The following SDK1 variants were observed in gnomAD, a reference collection of about 807,000 sequenced individuals.
SDK1 encodes the protein sidekick cell adhesion molecule 1, also known as protein sidekick-1.
In SDK1, 157 loss-of-function variants were observed where a neutral mutation model predicts 245.5. The observed-to-expected ratio is 0.64, with a 90% confidence interval of 0.56 to 0.73. SDK1 has a LOEUF of 0.73. SDK1 is among the 30% of genes least tolerant of loss of function. The probability of loss-of-function intolerance (pLI) is 0.00; values close to 1 mark genes in which losing one functional copy is unlikely to be tolerated. For missense variants in SDK1, 3,583 were observed against 3,002.3 expected (o/e 1.19, Z -4.52); for synonymous variants, 1,647 against 1,278.5 (o/e 1.29, Z -6.15).
intron 35 of SDK1, among the ~76,000 whole-genome samples, chr7:4,199,116 C>T (rs1175210358): frequency 1.3e-5 from 2 of 152,154 alleles, no homozygotes; most frequent in African/African-American, 4.8e-5. Context: ...TACCCGGCCT[C>T]AGTTTTCTAA....
At chr7:3,772,373 C>T (rs1034181904) in intron 4 of SDK1, among the ~76,000 whole-genome samples, 2 of 152,000 alleles carry the variant, frequency 1.3e-5, no homozygotes, top group African/African-American at 4.8e-5. Flanking sequence ...ATACAAAGTG[C>T]TGCTCTTTTA....
rs1229947466 is a variant in SDK1, at chr7:4,059,154, AAAAC to A, written c.2911+7328_2911+7331del. On this transcript the variant is annotated intron_variant, in intron 19 of 44. Coordinates refer to ENST00000404826, the MANE Select transcript of SDK1 (RefSeq NM_152744.4). ...TAGACTGGCTGAATGGATAAAAACAAAAACAAAAACAAAAACAAACCATGACCCA... is the reference window on the plus strand; with the variant it reads ...TAGACTGGCTGAATGGATAAAAACAAAAAAACAAAAACAAACCATGACCCA... Among the ~76,000 whole-genome samples the A allele has an allele frequency of 2.0e-5, 3 of 152,294 alleles. No individual in the cohort carries two copies. The East Asian group carries it at 5.8e-4, about 29-fold the overall frequency.
rs57770805 is a variant in SDK1, at chr7:3,319,878, C to CTTTTTTTTTTTTTTTTTTTTTTTTTTTTT, written c.298+18011_298+18012insTTTTTTTTTTTTTTTTTTTTTTTTTTTTT. Reference sequence around the variant, plus strand: ...TGCCTATATCTAACCCATTCTTAGTCTTTTTTTTTTTTTTTTTGCATTTGC... The same window carrying CTTTTTTTTTTTTTTTTTTTTTTTTTTTTT: ...TGCCTATATCTAACCCATTCTTAGTCTTTTTTTTTTTTTTTTTTTTTTTTTTTTTTTTTTTTTTTTTTTTTTGCATTTGC... On this transcript the variant is annotated intron_variant, in intron 1 of 44. Coordinates refer to ENST00000404826, the MANE Select transcript of SDK1 (RefSeq NM_152744.4). Among the ~76,000 whole-genome samples, 131 of 88,090 alleles carry CTTTTTTTTTTTTTTTTTTTTTTTTTTTTT rather than the reference C, an allele frequency of 1.5e-3. 18 individuals carry two copies. Among genetic ancestry groups the CTTTTTTTTTTTTTTTTTTTTTTTTTTTTT allele is most frequent in the Middle Eastern group, 6.5e-3 (1 of 154 alleles). The allele number at this position is 88,090 out of a possible 152,430, so 57.8% of individuals were successfully genotyped here.
chr7:4,213,095 A>G (rs1044260811), intron 38 of SDK1, among the ~76,000 whole-genome samples: 1 of 152,170 alleles, frequency 6.6e-6, no homozygotes, highest in Admixed American at 6.5e-5. Context: ...CCTGGCCAAC[A>G]TGGTGAAACC....
At chr7:3,673,645 A>C (rs1167418053) in intron 4 of SDK1, among the ~76,000 whole-genome samples, 1 of 152,122 alleles carries the variant, frequency 6.6e-6, no homozygotes, top group African/African-American at 2.4e-5. Context: ...TGCTTTGCTA[A>C]TGCATTAGGT....
intron 44 of SDK1, among the ~76,000 whole-genome samples, chr7:4,249,374 C>T (rs1414886860): frequency 6.6e-6 from 1 of 152,186 alleles, no homozygotes; most frequent in Non-Finnish European, 1.5e-5. Flanking sequence ...GGCAAGGGGC[C>T]TGGGAACCAG....
intron 32 of SDK1, among the ~76,000 whole-genome samples, chr7:4,171,350 C>T (rs1015899346): frequency 5.9e-5 from 9 of 152,218 alleles, no homozygotes; most frequent in African/African-American, 2.2e-4. Flanking sequence ...GTAGATTGTC[C>T]CGATGGAAGG....
intron 4 of SDK1, among the ~76,000 whole-genome samples, chr7:3,801,119 G>C (rs1246140790): frequency 6.6e-6 from 1 of 152,146 alleles, no homozygotes; most frequent in Non-Finnish European, 1.5e-5. Flanking sequence ...TTGAGCAAGG[G>C]AAGACATAGA....
At chr7:3,958,235 C>G (rs1781415639) in intron 7 of SDK1, 1 of 283,222 alleles carries the variant, frequency 3.5e-6, no homozygotes, top group South Asian at 2.9e-5. Context: ...ACTTGACAAA[C>G]TTGGCCATGC....
intron 20 of SDK1, among the ~76,000 whole-genome samples, chr7:4,070,102 G>T (rs1435496649): frequency 6.6e-6 from 1 of 152,242 alleles, no homozygotes; most frequent in African/African-American, 2.4e-5. Context: ...CCAAACAACG[G>T]AAGTGTTAAT....
intron 1 of SDK1, among the ~76,000 whole-genome samples, chr7:3,324,452 C>T (rs1270839153): frequency 6.6e-6 from 1 of 151,988 alleles, no homozygotes; most frequent in Non-Finnish European, 1.5e-5. Context: ...TTTGAAAAGT[C>T]GTTACAAAAA....
chr7:3,335,718 A>G (rs1051776489), intron 1 of SDK1, among the ~76,000 whole-genome samples: 1 of 152,186 alleles, frequency 6.6e-6, no homozygotes, highest in African/African-American at 2.4e-5. Context: ...AGAAGCAAAA[A>G]TGAAATGAAT....
At chr7:3,820,070 A>G (rs1779606282) in intron 4 of SDK1, among the ~76,000 whole-genome samples, 1 of 152,182 alleles carries the variant, frequency 6.6e-6, no homozygotes, top group South Asian at 2.1e-4. Flanking sequence ...GCTTAGACTA[A>G]ATGATATTTT....
chr7:3,915,217 T>G (rs1175314122), intron 5 of SDK1, among the ~76,000 whole-genome samples: 3 of 152,186 alleles, frequency 2.0e-5, no homozygotes, highest in Non-Finnish European at 4.4e-5. Context: ...TTCTGCCCCA[T>G]TCTCTCCAGC....
chr7:3,962,040 C>T (rs1583648035), intron 8 of SDK1, among the ~76,000 whole-genome samples: 1 of 152,102 alleles, frequency 6.6e-6, no homozygotes, highest in Non-Finnish European at 1.5e-5. Flanking sequence ...CACATATATA[C>T]ACACATGTAC....
chr7:3,999,839 G>A (rs1341346191), intron 14 of SDK1, among the ~76,000 whole-genome samples: 6 of 152,234 alleles, frequency 3.9e-5, no homozygotes, highest in African/African-American at 1.4e-4. Flanking sequence ...CCCACCATGA[G>A]GGAGCACTGC....
intron 13 of SDK1, among the ~76,000 whole-genome samples, chr7:3,975,621 G>C (rs115454039): frequency 6.6e-6 from 1 of 152,220 alleles, no homozygotes; most frequent in Non-Finnish European, 1.5e-5. Context: ...CACGCATGTG[G>C]AAATGAGTGA....
chr7:3,551,332 T>C (rs1301564732), intron 1 of SDK1, among the ~76,000 whole-genome samples: 1 of 152,208 alleles, frequency 6.6e-6, no homozygotes, highest in Non-Finnish European at 1.5e-5. Flanking sequence ...TGAAATAAAC[T>C]GAATTTTTAA....
intron 4 of SDK1, among the ~76,000 whole-genome samples, chr7:3,748,183 T>A (rs989271537): frequency 1.3e-5 from 2 of 152,160 alleles, no homozygotes; most frequent in African/African-American, 4.8e-5. Flanking sequence ...GCATGTTTGG[T>A]TTAATCCTAA....
Sources: gnomAD v4.1 joint callset for allele counts (sites outside exome capture counted in the v4.1 genomes callset) on GRCh38, gnomAD v4.1.1 for gene constraint, MANE v1.5 for transcripts, NCBI Gene and HGNC (gene_info 2026-07-23, HGNC 2026-07-21) for gene names.